Variants in KLHL29 observed in about 807,000 individuals in gnomAD.
KLHL29 encodes kelch like family member 29.
A neutral mutation model predicts 80.4 loss-of-function variants in KLHL29; 21 were observed. The observed-to-expected ratio is 0.26, with a 90% CI of 0.19 to 0.38. KLHL29 has a LOEUF of 0.38. Among genes scored for constraint, KLHL29 ranks in the 10% least tolerant of loss-of-function variants. KLHL29 has a pLI of 1.00. For synonymous variants in KLHL29, 511 were observed against 526.8 expected, an observed-to-expected ratio of 0.97 and a Z score of 0.41; for missense variants, 867 against 1,223.9, an observed-to-expected ratio of 0.71 and a Z score of 4.35.
At chr2:23,638,085 T>TAAAAAAAA (rs553356362) in intron 3 of KLHL29, among the ~76,000 whole-genome samples, 14,922 of 109,636 alleles carry the variant, frequency 0.14, 1,330 homozygotes, top group Middle Eastern at 0.21. Context: ...ATGGCCATAG[T>TAAAAAAAA]AAAAAAAAAA....
intron 5 of KLHL29, among the ~76,000 whole-genome samples, chr2:23,646,347 GCAAA>G (rs1669933318): frequency 1.3e-5 from 2 of 152,192 alleles, no homozygotes; most frequent in Admixed American, 6.5e-5. Flanking sequence ...GCCTTCTTTG[GCAAA>G]CAGTTTTTGG....
chr2:23,641,073 G>A (rs577082), intron 4 of KLHL29, among the ~76,000 whole-genome samples: 80,902 of 151,856 alleles, frequency 0.53, 22,366 homozygotes, highest in East Asian at 0.89. Flanking sequence ...CAGAGCAGCT[G>A]TGAAAACCAA....
chr2:23,469,361 C>G (rs1664434624), intron 1 of KLHL29, among the ~76,000 whole-genome samples: 1 of 152,202 alleles, frequency 6.6e-6, no homozygotes, highest in African/African-American at 2.4e-5. Flanking sequence ...AGCTGGCCTG[C>G]CCGTCAGGGA....
At chr2:23,563,162 G>C (rs1158550635) in intron 3 of KLHL29, among the ~76,000 whole-genome samples, 1 of 152,250 alleles carries the variant, frequency 6.6e-6, no homozygotes, top group Non-Finnish European at 1.5e-5. Context: ...TTTCAGAAGA[G>C]GTGGCTCCAG....
At chr2:23,554,433 G>A (rs533403317) in intron 2 of KLHL29, among the ~76,000 whole-genome samples, 71 of 152,292 alleles carry the variant, frequency 4.7e-4, no homozygotes, top group Non-Finnish European at 9.0e-4. Context: ...GAGACAGCGC[G>A]GGTCCCCTGC....
intron 2 of KLHL29, among the ~76,000 whole-genome samples, chr2:23,478,438 T>G (rs1350638432): frequency 6.6e-6 from 1 of 152,164 alleles, no homozygotes; most frequent in Admixed American, 6.5e-5. Flanking sequence ...GGGTCCTGTG[T>G]AACCTGCTAC....
At chr2:23,559,177 G>A (rs1667377631) in intron 2 of KLHL29, among the ~76,000 whole-genome samples, 1 of 152,186 alleles carries the variant, frequency 6.6e-6, no homozygotes, top group African/African-American at 2.4e-5. Flanking sequence ...GAGCTGAAAG[G>A]GGACATGAGG....
At position 23,562,263 on chromosome 2, in the gene KLHL29, G is replaced by A. The variant is rs373873641; in HGVS notation, c.67G>A (p.Val23Ile). 173 of 1,550,072 alleles carry A rather than the reference G, an allele frequency of 1.1e-4. 1 individual carries two copies. The Admixed American group carries it at 2.2e-3, about 20-fold the overall frequency. Reference sequence around the variant, plus strand: ...GGGCTGGGACCGCCGCGAATGGAGCGTCAACGGGACGCATGGGACCACCAG... The same window carrying A: ...GGGCTGGGACCGCCGCGAATGGAGCATCAACGGGACGCATGGGACCACCAG... ...RVGWDRREWS[V>I]NGTHGTTSIC... Residue 23 changes from valine (V) to isoleucine (I), a missense_variant, in exon 3 of 14, where the codon GTC becomes ATC. By Grantham distance (29) the Val-to-Ile change is conservative. Around this residue, in one of 2 missense-constraint regions of KLHL29, gnomAD observed 424 missense variants for 456.9 expected, o/e 0.93. Transcript: ENST00000486442. The surrounding 1 kb of genome is among the most constrained non-coding windows in gnomAD (Gnocchi z 4.5).
chr2:23,420,799 G>A (rs1025604920), intron 1 of KLHL29, among the ~76,000 whole-genome samples: 2 of 152,144 alleles, frequency 1.3e-5, no homozygotes, highest in East Asian at 1.9e-4. Context: ...ATCTGTCAGC[G>A]GGGCCTCTGG....
At chr2:23,491,500 G>T (rs1235995331) in intron 2 of KLHL29, among the ~76,000 whole-genome samples, 1 of 152,142 alleles carries the variant, frequency 6.6e-6, no homozygotes, top group African/African-American at 2.4e-5. Flanking sequence ...TGAGGGGTAT[G>T]AATCAGGTCT....
At chr2:23,547,448 A>C (rs1295664304) in intron 2 of KLHL29, among the ~76,000 whole-genome samples, 1 of 152,008 alleles carries the variant, frequency 6.6e-6, no homozygotes, top group Non-Finnish European at 1.5e-5. Flanking sequence ...GGTCACTTAA[A>C]CCTTTACGTT....
At chr2:23,443,848 A>T (rs980566534) in intron 1 of KLHL29, among the ~76,000 whole-genome samples, 6 of 152,192 alleles carry the variant, frequency 3.9e-5, no homozygotes, top group Non-Finnish European at 4.4e-5. Flanking sequence ...ATTAGCAAGT[A>T]ATCTGTTCGG....
intron 3 of KLHL29, among the ~76,000 whole-genome samples, chr2:23,636,592 A>G (rs1205112627): frequency 6.6e-6 from 1 of 152,058 alleles, no homozygotes; most frequent in Non-Finnish European, 1.5e-5. Context: ...CTGTTCATAT[A>G]TTGAGTCCTC....
chr2:23,614,158 C>T (rs1263171694), intron 3 of KLHL29, among the ~76,000 whole-genome samples: 1 of 152,184 alleles, frequency 6.6e-6, no homozygotes, highest in Non-Finnish European at 1.5e-5. Flanking sequence ...AAACCCCCTT[C>T]CTGCTTTGAG....
At chr2:23,407,803 TC>T (rs1213613411) in intron 1 of KLHL29, among the ~76,000 whole-genome samples, 1 of 152,200 alleles carries the variant, frequency 6.6e-6, no homozygotes, top group Non-Finnish European at 1.5e-5. Flanking sequence ...TTTAACTTTT[TC>T]TTAATAGTCA....
In KLHL29 at chr2:23,654,380, A is replaced by G. The variant is rs562100016; in HGVS notation, c.940+11530A>G. ...CACGCCCCTCAGTTTAGGAATTGCCATGGTGATTCTGAAGGCTCCTAATCC... is the reference window on the plus strand; with the variant it reads ...CACGCCCCTCAGTTTAGGAATTGCCGTGGTGATTCTGAAGGCTCCTAATCC... On this transcript the variant is annotated intron_variant, in intron 5 of 13. Coordinates refer to ENST00000486442, the MANE Select transcript of KLHL29 (RefSeq NM_052920.2). Among the ~76,000 whole-genome samples the G allele has an allele frequency of 9.3e-4, 141 of 152,306 alleles. 2 individuals carry two copies. The South Asian group carries it at 0.028, about 30-fold the overall frequency.
chr2:23,544,091 G>A (rs1666921339), intron 2 of KLHL29, among the ~76,000 whole-genome samples: 1 of 152,212 alleles, frequency 6.6e-6, no homozygotes, highest in Admixed American at 6.5e-5. Flanking sequence ...TAACCTGACT[G>A]ATGCTGCCCC....
chr2:23,500,355 TTTAA>T (rs1425406494), intron 2 of KLHL29, among the ~76,000 whole-genome samples: 1 of 152,166 alleles, frequency 6.6e-6, no homozygotes, highest in Non-Finnish European at 1.5e-5. Context: ...GTGGAGAAAG[TTTAA>T]TTGTTAGAAT....
chr2:23,523,123 GTTTC>G (rs911329231), intron 2 of KLHL29, among the ~76,000 whole-genome samples: 11 of 152,324 alleles, frequency 7.2e-5, no homozygotes, highest in African/African-American at 2.6e-4. Context: ...ACTTCCACTG[GTTTC>G]TTTACCAGCA....
Sources: gnomAD v4.1 joint callset for allele counts (sites outside exome capture counted in the v4.1 genomes callset) on GRCh38, gnomAD v4.1.1 for gene constraint, gnomAD v4.1.1 regional missense constraint, Gnocchi (gnomAD v3.1) non-coding constraint, MANE v1.5 for transcripts, NCBI Gene and HGNC (gene_info 2026-07-23, HGNC 2026-07-21) for gene names.